Variants in TMEM106B observed in about 807,000 individuals in gnomAD.
TMEM106B encodes the protein transmembrane protein 106B.
A neutral mutation model predicts 31.1 loss-of-function variants in TMEM106B; 15 were observed. The observed-to-expected ratio is 0.48, with a 90% CI of 0.32 to 0.74. The LOEUF is 0.74. Among genes scored for constraint, TMEM106B ranks in the 30% least tolerant of loss-of-function variants. The pLI is 0.03. For missense variants in TMEM106B, 283 were observed against 327.3 expected, an observed-to-expected ratio of 0.86 and a Z score of 1.04; for synonymous variants, 126 against 112.5, an observed-to-expected ratio of 1.12 and a Z score of -0.76.
chr7:12,226,614 G>A (rs1050596579), intron 4 of TMEM106B, among the ~76,000 whole-genome samples: 1 of 151,946 alleles, frequency 6.6e-6, no homozygotes, highest in African/African-American at 2.4e-5. Context: ...CTGTGGTGGT[G>A]GTTGGAAAGA....
chr7:12,236,489 T>C lies in TMEM106B; in HGVS notation c.*4514T>C, dbSNP rs934338966. The C allele has an allele frequency of 4.3e-4, 66 of 152,110 alleles. No individual in the cohort carries two copies. The highest frequency in any genetic ancestry group is 1.5e-3 in the African/African-American group (63 of 41,542). The allele number at this position is 152,110 out of a possible 1,614,324, so 9.4% of individuals were successfully genotyped here. On this transcript the variant is annotated 3_prime_UTR_variant, in exon 8 of 8. Coordinates refer to ENST00000396668, the MANE Select transcript of TMEM106B (RefSeq NM_001134232.2). ...GTCTTCTAAAAGGAAGCTGTTACCCTTCTGTTTTTAATTACATTAATTGAA... is the reference window on the plus strand; with the variant it reads ...GTCTTCTAAAAGGAAGCTGTTACCCCTCTGTTTTTAATTACATTAATTGAA...
At chr7:12,214,651 TG>T (rs1198195772) in intron 1 of TMEM106B, among the ~76,000 whole-genome samples, 157 bp from the exon 2 acceptor site, 1 of 152,232 alleles carries the variant, frequency 6.6e-6, no homozygotes, top group Non-Finnish European at 1.5e-5. Context: ...CCTCAGGCCT[TG>T]TTCACTCATT....
At chr7:12,222,137 T>C (rs1367852522) in intron 3 of TMEM106B, among the ~76,000 whole-genome samples, 1 of 152,178 alleles carries the variant, frequency 6.6e-6, no homozygotes, top group Non-Finnish European at 1.5e-5. Context: ...GAAAAGTAAA[T>C]TGCATTAAAT....
chr7:12,237,507 C>T lies in TMEM106B; in HGVS notation c.*5532C>T, dbSNP rs1782161469. On this transcript the variant is annotated 3_prime_UTR_variant, in exon 8 of 8. Transcript: ENST00000396668. ...ATTTCCCTTGATATTATAGACATAC[C>T]TTGGATATATTGCAGGTTTGGTTCC... The T allele has an allele frequency of 6.6e-6, 1 of 151,968 alleles. No homozygotes were observed. The highest frequency in any genetic ancestry group is 2.4e-5 in the African/African-American group (1 of 41,356). 9.4% of individuals were successfully genotyped at this position (151,968 alleles called of 1,614,324 possible).
rs372285953 is a variant in TMEM106B, at chr7:12,224,230, C to G, written c.286C>G (p.Leu96Val). Residue 96 changes from leucine (L) to valine (V), a missense_variant, in exon 4 of 8, where the codon CTG (leucine) becomes GTG (valine). Around this residue, in one of 3 missense-constraint regions of TMEM106B, gnomAD observed 5 missense variants for 26.4 expected, o/e 0.19. Transcript: ENST00000396668. ...DQRLRPRRTK[L>V]YVMASVFVCL... is the part of the protein sequence containing the mutation. ...ATACCCTCTTTTCCTTTTCAGAAAGCTGTATGTGATGGCTTCTGTGTTTGT... is the reference window on the plus strand; with the variant it reads ...ATACCCTCTTTTCCTTTTCAGAAAGGTGTATGTGATGGCTTCTGTGTTTGT... 1.9e-6 allele frequency: 3 copies of G among 1,612,076 alleles called. No homozygotes were observed. Among genetic ancestry groups the G allele is most frequent in the African/African-American group, 2.7e-5 (2 of 74,840 alleles).
At position 12,238,485 on chromosome 7, in the gene TMEM106B, T is replaced by A. The variant is rs1363878833; in HGVS notation, c.*6510T>A. ...GACCTCTTCCCCTGAATCACAAATG[T>A]TGTTAATGGCATCTAGAATGGCAAA... is the stretch of plus-strand genomic sequence containing the variant. On this transcript the variant is annotated 3_prime_UTR_variant, in exon 8 of 8. Coordinates refer to ENST00000396668, the MANE Select transcript of TMEM106B (RefSeq NM_001134232.2). 1 of 152,262 alleles carries A rather than the reference T, an allele frequency of 6.6e-6. No homozygotes were observed. The highest frequency in any genetic ancestry group is 1.5e-5 in the Non-Finnish European group (1 of 68,092). The allele number at this position is 152,262 out of a possible 1,614,324, so 9.4% of individuals were successfully genotyped here. A position where few individuals can be genotyped will look rare whatever the true frequency, so the allele number is the denominator to read the frequency against.
At chr7:12,230,612 T>C (rs1282768138) in intron 6 of TMEM106B, 174 bp downstream of exon 6, 1 of 458,786 alleles carries the variant, frequency 2.2e-6, no homozygotes, top group South Asian at 4.6e-5. Flanking sequence ...AATATTCATG[T>C]ATATATACAC....
chr7:12,214,366 A>T (rs900257536), intron 1 of TMEM106B: 10 of 153,782 alleles, frequency 6.5e-5, no homozygotes, highest in African/African-American at 2.2e-4. Context: ...AACTACAAAC[A>T]TTTCTTTCTG....
At chr7:12,229,496 A>G (rs1292727880) in intron 4 of TMEM106B, among the ~76,000 whole-genome samples, 183 bp from the exon 5 acceptor site, 1 of 152,144 alleles carries the variant, frequency 6.6e-6, no homozygotes, top group Non-Finnish European at 1.5e-5. Context: ...TATTCTTGGC[A>G]TATTACATAC....
At position 12,218,772 on chromosome 7, in the gene TMEM106B, A is replaced by AAC. The variant is rs151197406; in HGVS notation, c.281+263_281+264dup. The stretch of plus-strand genomic sequence containing the variant: ...GAAATAGATCTAGAATAGCAGTACA[A>AAC]ACACACACACACATAAAATTTTCAT... On this transcript the variant is annotated intron_variant, in intron 3 of 7. Coordinates refer to ENST00000396668, the MANE Select transcript of TMEM106B (RefSeq NM_001134232.2). Among the ~76,000 whole-genome samples, 12 of 152,072 alleles carry AAC rather than the reference A, an allele frequency of 7.9e-5. No individual in the cohort carries two copies. In the East Asian group the frequency reaches 1.6e-3, roughly 20 times the overall value.
rs552814542 is a variant in TMEM106B at position 12,236,341 on chromosome 7, A to C, written c.*4366A>C. 30 of 152,060 alleles carry C rather than the reference A, an allele frequency of 2.0e-4. 1 individual carries two copies. In the South Asian group the frequency reaches 6.0e-3, roughly 30 times the overall value. The allele number at this position is 152,060 out of a possible 1,614,324, so 9.4% of individuals were successfully genotyped here. On this transcript the variant is annotated 3_prime_UTR_variant, in exon 8 of 8. Coordinates refer to ENST00000396668, the MANE Select transcript of TMEM106B (RefSeq NM_001134232.2). ...TTAAAAGTAATTTGGTTGTGTTTATAGTTATTTGTACAAGTATTTATCACA... is the reference window on the plus strand; with the variant it reads ...TTAAAAGTAATTTGGTTGTGTTTATCGTTATTTGTACAAGTATTTATCACA...
At chr7:12,229,600 G>A (rs1273030745) in intron 4 of TMEM106B, 79 bp from the exon 5 acceptor site, 1 of 1,161,256 alleles carries the variant, frequency 8.6e-7, no homozygotes, top group South Asian at 1.8e-5. Flanking sequence ...CATAGCTACA[G>A]CTGAAGTTAC....
chr7:12,234,748 T>A lies in TMEM106B; in HGVS notation c.*2773T>A, dbSNP rs886599636. On this transcript the variant is annotated 3_prime_UTR_variant, in exon 8 of 8. Transcript: ENST00000396668. Reference sequence around the variant, plus strand: ...GACTGGTCATTCTAATAAAATCCAGTACTATAACAAACCTCTGTATGTTGA... The same window carrying A: ...GACTGGTCATTCTAATAAAATCCAGAACTATAACAAACCTCTGTATGTTGA... The A allele has an allele frequency of 2.6e-5, 4 of 151,638 alleles. No individual in the cohort carries two copies. Among genetic ancestry groups the A allele is most frequent in the Non-Finnish European group, 4.4e-5 (3 of 67,788 alleles). The allele number at this position is 151,638 out of a possible 1,614,324, so 9.4% of individuals were successfully genotyped here.
At position 12,225,685 on chromosome 7, in the gene TMEM106B, T is replaced by C. The variant is rs147479707; in HGVS notation, c.441+1300T>C. Among the ~76,000 whole-genome samples, 767 of 152,308 alleles carry C rather than the reference T, an allele frequency of 5.0e-3. 4 individuals carry two copies. Among genetic ancestry groups the C allele is most frequent in the Middle Eastern group, 0.014 (4 of 294 alleles). ...AATGTCTTCTTTTGAGAAGTGTCCG[T>C]TCATATCCTTCGCCCACTTTTTGAT... On this transcript the variant is annotated intron_variant, in intron 4 of 7. Coordinates refer to ENST00000396668, the MANE Select transcript of TMEM106B (RefSeq NM_001134232.2).
At chr7:12,226,066 G>C (rs1382798296) in intron 4 of TMEM106B, among the ~76,000 whole-genome samples, 1 of 152,124 alleles carries the variant, frequency 6.6e-6, no homozygotes, top group Non-Finnish European at 1.5e-5. Context: ...GTAAGGAAGG[G>C]ATCCAGTTTC....
In TMEM106B at chr7:12,235,072, G is replaced by A. The variant is rs1340189901; in HGVS notation, c.*3097G>A. The A allele has an allele frequency of 6.6e-6, 1 of 152,294 alleles. No individual in the cohort carries two copies. Among genetic ancestry groups the A allele is most frequent in the African/African-American group, 2.4e-5 (1 of 41,422 alleles). 9.4% of individuals were successfully genotyped at this position (152,294 alleles called of 1,614,324 possible). ...GAGAGGAAAGTTCAAATAGTTAGTA[G>A]TGACAAACTAATACTGCTGGACTAA... On this transcript the variant is annotated 3_prime_UTR_variant, in exon 8 of 8. Coordinates refer to ENST00000396668, the MANE Select transcript of TMEM106B (RefSeq NM_001134232.2).
rs1022385673 is a variant in TMEM106B, at chr7:12,240,770, G to C, written c.*8795G>C. 1 of 151,758 alleles carries C rather than the reference G, an allele frequency of 6.6e-6. No individual in the cohort carries two copies. The highest frequency in any genetic ancestry group is 2.4e-5 in the African/African-American group (1 of 41,290). The allele number at this position is 151,758 out of a possible 1,614,324, so 9.4% of individuals were successfully genotyped here. On this transcript the variant is annotated 3_prime_UTR_variant, in exon 8 of 8. Coordinates refer to ENST00000396668, the MANE Select transcript of TMEM106B (RefSeq NM_001134232.2). ...TTATTTGTAAATAGCATCTTATGAG[G>C]AACCTTGATATGTGACAAAACAGAT...
chr7:12,215,700 G>T, intron 2 of TMEM106B: 1 of 279,464 alleles, frequency 3.6e-6, no homozygotes, highest in South Asian at 3.6e-5. Context: ...TTACAGCTGT[G>T]AGCCACCACG....
intron 4 of TMEM106B, among the ~76,000 whole-genome samples, chr7:12,226,891 A>G (rs1266041449): frequency 6.6e-6 from 1 of 150,926 alleles, no homozygotes; most frequent in Non-Finnish European, 1.5e-5. Context: ...AGCCCTTTGG[A>G]ACAAGGAACA....
Sources: allele counts gnomAD v4.1 joint callset (sites outside exome capture counted in the v4.1 genomes callset), GRCh38; gene constraint gnomAD v4.1.1; regional missense constraint gnomAD v4.1.1; transcripts MANE v1.5; gene names NCBI Gene and HGNC (gene_info 2026-07-23, HGNC 2026-07-21).